Variants in DENR observed in about 807,000 individuals in gnomAD.
DENR encodes the protein density regulated re-initiation and release factor.
A neutral mutation model predicts 30.6 loss-of-function variants in DENR; 6 were observed. That is an observed-to-expected ratio of 0.20 (90% CI 0.11 to 0.39). The LOEUF is 0.39. Among genes scored for constraint, DENR ranks in the 10% least tolerant of loss-of-function variants. The probability of loss-of-function intolerance (pLI) is 1.00; values close to 1 mark genes in which losing one functional copy is unlikely to be tolerated. For synonymous variants in DENR, 78 were observed against 72.1 expected (o/e 1.08, Z -0.41); for missense variants, 141 against 230.9 (o/e 0.61, Z 2.52).
At position 122,769,078 on chromosome 12, in the gene DENR, A is replaced by C; in HGVS notation, c.597A>C (p.Ter199CysextTer2). 6.2e-7 allele frequency: 1 copy of C among 1,607,654 alleles called. No individual in the cohort carries two copies. The highest frequency in any genetic ancestry group is 1.3e-5 in the African/African-American group (1 of 74,828). ...AAGATCTTGGAGAAGTAAAGAAGTG[A>C]ATTTGAAAATTTGTCTGTATTTAAT... Reference protein sequence around the residue: ...SIEDLGEVKK* With the variant: ...SIEDLGEVKKC Residue 199 changes from the stop codon to cysteine, a stop_lost, in exon 8 of 8, where the codon TGA becomes TGC. Transcript: ENST00000280557.
intron 6 of DENR, 92 bp downstream of exon 6, chr12:122,767,696 A>G (rs1348778949): frequency 3.2e-6 from 2 of 630,602 alleles, no homozygotes; most frequent in Non-Finnish European, 2.4e-6. Flanking sequence ...CTCACATACC[A>G]TGAAAACTTC....
chr12:122,753,124 T>TC (rs1878454748), intron 1 of DENR, among the ~76,000 whole-genome samples, 174 bp downstream of exon 1: 1 of 152,210 alleles, frequency 6.6e-6, no homozygotes. Context: ...GTCGCCCTTG[T>TC]CCCCTCAGTG....
chr12:122,760,194 T>C (rs929735126), intron 2 of DENR, among the ~76,000 whole-genome samples: 5 of 152,224 alleles, frequency 3.3e-5, no homozygotes, highest in South Asian at 4.1e-4. Flanking sequence ...AATCCTGTTA[T>C]CCAGATGCAA....
intron 3 of DENR, among the ~76,000 whole-genome samples, 162 bp downstream of exon 3, chr12:122,762,368 A>T (rs1364009819): frequency 1.3e-5 from 2 of 152,142 alleles, no homozygotes; most frequent in Non-Finnish European, 2.9e-5. Flanking sequence ...TTGGTCTTAT[A>T]TATTCTTTCC....
Position 122,769,512 on chromosome 12 carries a change from CTCTTT to C in DENR, c.*436_*440del. ...ACTGACTTTCTCTCTCTCTCTCTCT[CTCTTT>C]TTTTTTTTTGACAGAGTCTCGCACT... On this transcript the variant is annotated 3_prime_UTR_variant, in exon 8 of 8. Transcript: ENST00000280557. 2 of 958,786 alleles carry C rather than the reference CTCTTT, an allele frequency of 2.1e-6. No individual in the cohort carries two copies. The highest frequency in any genetic ancestry group is 1.2e-6 in the Non-Finnish European group (1 of 808,116). 59.4% of individuals were successfully genotyped at this position (958,786 alleles called of 1,614,324 possible).
In DENR at chr12:122,762,188, C is replaced by G. The variant is rs1460379384; in HGVS notation, c.108C>G (p.Val36=). Reference sequence around the variant, plus strand: ...TCTTTTTTCTTTTTACTTCCTCAGTCTGTTCATTACCAACAGAGGTAAGTT... The same window carrying G: ...TCTTTTTTCTTTTTACTTCCTCAGTGTGTTCATTACCAACAGAGGTAAGTT... ...DYPLRVLYCG[V]CSLPTEYCEY... is the part of the protein sequence containing the mutation. The change falls in exon 3 of 8, where the codon GTC becomes GTG. Residue 36 remains valine, a splice_region_variant and synonymous_variant. Coordinates refer to ENST00000280557, the MANE Select transcript of DENR (RefSeq NM_003677.5). 10 of 1,426,792 alleles carry G rather than the reference C, an allele frequency of 7.0e-6. No individual in the cohort carries two copies. In the South Asian group the frequency reaches 7.9e-5, roughly 11 times the overall value. The allele number at this position is 1,426,792 out of a possible 1,614,324, so 88.4% of individuals were successfully genotyped here.
Position 122,765,284 on chromosome 12 carries a change from T to C in DENR, c.212-20T>C. On this transcript the variant is annotated intron_variant, in intron 4 of 7. Transcript: ENST00000280557. ...GTGTGAGATGATGTTCATGCTTTTG[T>C]ATTTCACTTTTATATCTAGAAAATT... The C allele has an allele frequency of 1.3e-6, 2 of 1,541,474 alleles. No individual in the cohort carries two copies. Among genetic ancestry groups the C allele is most frequent in the South Asian group, 2.4e-5 (2 of 83,504 alleles).
At chr12:122,756,634 A>C (rs530535334) in intron 2 of DENR, among the ~76,000 whole-genome samples, 12 of 152,310 alleles carry the variant, frequency 7.9e-5, no homozygotes, top group Middle Eastern at 3.4e-3. Flanking sequence ...TTGCCAGGCA[A>C]AGGAGTGGAG....
chr12:122,759,641 G>T (rs909351298), intron 2 of DENR, among the ~76,000 whole-genome samples: 1 of 152,138 alleles, frequency 6.6e-6, no homozygotes, highest in African/African-American at 2.4e-5. Context: ...GAATCACTTG[G>T]ACCCAGGAGG....
At chr12:122,761,869 G>C (rs144461634) in intron 2 of DENR, among the ~76,000 whole-genome samples, 1 of 152,116 alleles carries the variant, frequency 6.6e-6, no homozygotes, top group African/African-American at 2.4e-5. Context: ...GAAATTGTTC[G>C]TGTCTTAGCT....
Position 122,769,639 on chromosome 12 carries a change from T to A in DENR, c.*561T>A. 4.0e-6 allele frequency: 1 copy of A among 250,490 alleles called. No individual in the cohort carries two copies. Among genetic ancestry groups the A allele is most frequent in the Non-Finnish European group, 6.7e-6 (1 of 148,368 alleles). 15.5% of individuals were successfully genotyped at this position (250,490 alleles called of 1,614,324 possible). A position where few individuals can be genotyped will look rare whatever the true frequency, so the allele number is the denominator to read the frequency against. On this transcript the variant is annotated 3_prime_UTR_variant, in exon 8 of 8. Coordinates refer to ENST00000280557, the MANE Select transcript of DENR (RefSeq NM_003677.5). ...CTCCTGCCTCAGCCTCCCAAGTAGG[T>A]GGGATTACAGGCGCCCGCCACCACG...
intron 2 of DENR, among the ~76,000 whole-genome samples, chr12:122,758,808 A>C (rs1345186644): frequency 6.6e-6 from 1 of 150,510 alleles, no homozygotes; most frequent in South Asian, 2.1e-4. Context: ...TCTCTTTAAC[A>C]AAAAAAAAGA....
chr12:122,756,884 G>A (rs889600728), intron 2 of DENR, among the ~76,000 whole-genome samples: 1 of 152,198 alleles, frequency 6.6e-6, no homozygotes, highest in Non-Finnish European at 1.5e-5. Context: ...TATTGGCCAG[G>A]CTATAATAAG....
chr12:122,769,596 T>C lies in DENR; in HGVS notation c.*518T>C, dbSNP rs563078257. On this transcript the variant is annotated 3_prime_UTR_variant, in exon 8 of 8. Coordinates refer to ENST00000280557, the MANE Select transcript of DENR (RefSeq NM_003677.5). ...ATCTCGGCTCACTGCAACCTCCGCC[T>C]CCCGGGTTCAAGTGATTCTCCTGCC... is the stretch of plus-strand genomic sequence containing the variant. 157 of 520,994 alleles carry C rather than the reference T, an allele frequency of 3.0e-4. No individual in the cohort carries two copies. In the African/African-American group the frequency reaches 3.1e-3, roughly 10 times the overall value. The allele number at this position is 520,994 out of a possible 1,614,324, so 32.3% of individuals were successfully genotyped here.
In DENR at chr12:122,769,514, C is replaced by CTTT; in HGVS notation, c.*446_*448dup. Reference sequence around the variant, plus strand: ...TGACTTTCTCTCTCTCTCTCTCTCTCTTTTTTTTTTTTGACAGAGTCTCGC... The same window carrying CTTT: ...TGACTTTCTCTCTCTCTCTCTCTCTCTTTTTTTTTTTTTTTGACAGAGTCTCGC... On this transcript the variant is annotated 3_prime_UTR_variant, in exon 8 of 8. Coordinates refer to ENST00000280557, the MANE Select transcript of DENR (RefSeq NM_003677.5). The CTTT allele has an allele frequency of 4.6e-6, 3 of 652,376 alleles. No homozygotes were observed. Among genetic ancestry groups the CTTT allele is most frequent in the Non-Finnish European group, 5.7e-6 (3 of 530,656 alleles). 40.4% of individuals were successfully genotyped at this position (652,376 alleles called of 1,614,324 possible). A position where few individuals can be genotyped will look rare whatever the true frequency, so the allele number is the denominator to read the frequency against.
At chr12:122,760,671 C>T (rs1878675070) in intron 2 of DENR, among the ~76,000 whole-genome samples, 1 of 152,156 alleles carries the variant, frequency 6.6e-6, no homozygotes, top group South Asian at 2.1e-4. Context: ...GCGGAGCTTG[C>T]AGTGAGCCGA....
rs1878984676 is a variant in DENR, at chr12:122,769,781, A to C, written c.*703A>C. 1 of 152,244 alleles carries C rather than the reference A, an allele frequency of 6.6e-6. No individual in the cohort carries two copies. Among genetic ancestry groups the C allele is most frequent in the African/African-American group, 2.4e-5 (1 of 41,424 alleles). 9.4% of individuals were successfully genotyped at this position (152,244 alleles called of 1,614,324 possible). ...CAGCCTCCCAAAGTGCTGGTATTACAGATGTGAGCCACCGCACCCAGCCTG... is the reference window on the plus strand; with the variant it reads ...CAGCCTCCCAAAGTGCTGGTATTACCGATGTGAGCCACCGCACCCAGCCTG... On this transcript the variant is annotated 3_prime_UTR_variant, in exon 8 of 8. Coordinates refer to ENST00000280557, the MANE Select transcript of DENR (RefSeq NM_003677.5).
intron 2 of DENR, 62 bp from the exon 3 acceptor site, chr12:122,762,125 C>A: frequency 2.8e-6 from 3 of 1,082,624 alleles, no homozygotes; most frequent in South Asian, 3.5e-5. Context: ...AAGGATAAGC[C>A]CTGTGTATGT....
intron 2 of DENR, among the ~76,000 whole-genome samples, chr12:122,755,620 C>T (rs1376025778): frequency 6.6e-6 from 1 of 152,242 alleles, no homozygotes; most frequent in Admixed American, 6.5e-5. Context: ...AAAACTGATA[C>T]ATTTATTTTA....
Sources: gnomAD v4.1 joint callset for allele counts (sites outside exome capture counted in the v4.1 genomes callset) on GRCh38, gnomAD v4.1.1 for gene constraint, MANE v1.5 for transcripts, NCBI Gene and HGNC (gene_info 2026-07-23, HGNC 2026-07-21) for gene names.